Variants in PTPRD observed in about 807,000 individuals in gnomAD.
PTPRD encodes receptor-type tyrosine-protein phosphatase delta.
A neutral mutation model predicts 214.5 loss-of-function variants in PTPRD; 34 were observed. The observed-to-expected ratio is 0.16, with a 90% CI of 0.12 to 0.21. The LOEUF is 0.21. Ranked by LOEUF, PTPRD falls within the 10% of genes least tolerant of loss-of-function variation. The pLI is 1.00. For synonymous variants in PTPRD, 1,128 were observed against 845.7 expected (o/e 1.33, Z -5.79); for missense variants, 2,545 against 2,398.7 (o/e 1.06, Z -1.27).
chr9:10,127,246 C>T (rs950326778), intron 3 of PTPRD, among the ~76,000 whole-genome samples: 3 of 152,110 alleles, frequency 2.0e-5, no homozygotes, highest in African/African-American at 7.2e-5. Context: ...TACTGGCACA[C>T]AAGACCAATG....
chr9:10,532,103 A>G (rs907473155), intron 2 of PTPRD: 1 of 152,140 alleles, frequency 6.6e-6, no homozygotes, highest in African/African-American at 2.4e-5. Flanking sequence ...TTTTAAGCTG[A>G]TATTTGTTGC....
intron 9 of PTPRD, among the ~76,000 whole-genome samples, chr9:9,204,524 A>G (rs941417153): frequency 6.6e-6 from 1 of 152,158 alleles, no homozygotes; most frequent in Non-Finnish European, 1.5e-5. Flanking sequence ...TTTTAAAGGA[A>G]CACTCACGAG....
At chr9:10,426,273 C>G (rs2154518931) in intron 2 of PTPRD, among the ~76,000 whole-genome samples, 1 of 152,094 alleles carries the variant, frequency 6.6e-6, no homozygotes, top group East Asian at 2.0e-4. Flanking sequence ...TTAAGTTAAT[C>G]AATTCTCATT....
chr9:8,653,267 G>C lies in PTPRD; in HGVS notation c.65-16423C>G, dbSNP rs550430727. 1.9e-3 allele frequency among the ~76,000 whole-genome samples: 291 copies of C among 152,190 alleles called. 3 individuals are homozygous for C. Among genetic ancestry groups the C allele is most frequent in the African/African-American group, 6.6e-3 (276 of 41,508 alleles). On this transcript the variant is annotated intron_variant, in intron 12 of 45. Transcript: ENST00000381196. Reference sequence around the variant, plus strand: ...CAATTCGCTACATAAATGGCCTCTGGGGGCTGCCAGAGCATCTTTCCAAGT... The same window carrying C: ...CAATTCGCTACATAAATGGCCTCTGCGGGCTGCCAGAGCATCTTTCCAAGT...
rs1342157475 is a variant in PTPRD, at chr9:10,344,692, CCT to C, written c.-599-3677_-599-3676del. On this transcript the variant is annotated intron_variant, in intron 2 of 45. Transcript: ENST00000381196. ...GGAATGTTCTTCCATTTGTTTGTGC[CCT>C]CTTTTATTTCATTGAGCAGTGGTTT... Among the ~76,000 whole-genome samples, 6 of 152,052 alleles carry C rather than the reference CCT, an allele frequency of 3.9e-5. No homozygotes were observed. The East Asian group carries it at 1.2e-3, about 30-fold the overall frequency.
rs2074241175 is a variant in PTPRD at position 8,526,653 on chromosome 9, A to G, written c.551-9T>C. On this transcript the variant is annotated splice_polypyrimidine_tract_variant and intron_variant, in intron 16 of 45. Transcript: ENST00000381196. ...TCTTATTGGTGTACCACCTGGGTGGATAATATGAATGCAAATAAGATTAGA... is the reference window on the plus strand; with the variant it reads ...TCTTATTGGTGTACCACCTGGGTGGGTAATATGAATGCAAATAAGATTAGA... 2 of 1,572,414 alleles carry G rather than the reference A, an allele frequency of 1.3e-6. No homozygotes were observed. Among genetic ancestry groups the G allele is most frequent in the Admixed American group, 3.6e-5 (2 of 56,086 alleles).
chr9:9,918,737 A>G lies in PTPRD; in HGVS notation c.-368+19770T>C, dbSNP rs555588830. On this transcript the variant is annotated intron_variant, in intron 5 of 45. Coordinates refer to ENST00000381196, the MANE Select transcript of PTPRD (RefSeq NM_002839.4). Reference sequence around the variant, plus strand: ...CCAATAGAACCAATAGAGAATGCAGAAATTAATCCACGTATCTATAGCCAT... The same window carrying G: ...CCAATAGAACCAATAGAGAATGCAGGAATTAATCCACGTATCTATAGCCAT... Among the ~76,000 whole-genome samples, 4 of 152,240 alleles carry G rather than the reference A, an allele frequency of 2.6e-5. No homozygotes were observed. In the East Asian group the frequency reaches 7.7e-4, roughly 29 times the overall value.
intron 2 of PTPRD, among the ~76,000 whole-genome samples, chr9:10,509,410 G>T (rs1201177607): frequency 1.3e-5 from 2 of 150,784 alleles, no homozygotes; most frequent in South Asian, 2.1e-4. Context: ...TCCTCTTGTT[G>T]TTTCAGCTTC....
chr9:9,987,086 T>C (rs905143694), intron 4 of PTPRD, among the ~76,000 whole-genome samples: 10 of 151,900 alleles, frequency 6.6e-5, no homozygotes, highest in African/African-American at 2.2e-4. Context: ...GGGGAGGAAG[T>C]TATATAGCAA....
chr9:9,601,144 TGTGTG>T lies in PTPRD; in HGVS notation c.-286-26368_-286-26364del, dbSNP rs1563976727. On this transcript the variant is annotated intron_variant, in intron 7 of 45. Coordinates refer to ENST00000381196, the MANE Select transcript of PTPRD (RefSeq NM_002839.4). Reference sequence around the variant, plus strand: ...GTGTGTGTGTGTGTGTGTGTGTGTGTGTGTGTATGGGGGGGGGAGAGTGGGGAGAG... The same window carrying T: ...GTGTGTGTGTGTGTGTGTGTGTGTGTTATGGGGGGGGGAGAGTGGGGAGAG... Among the ~76,000 whole-genome samples the T allele has an allele frequency of 2.8e-4, 33 of 116,620 alleles. 1 individual carries two copies. Among genetic ancestry groups the T allele is most frequent in the African/African-American group, 8.7e-4 (27 of 31,020 alleles). 76.5% of individuals were successfully genotyped at this position (116,620 alleles called of 152,430 possible).
At chr9:9,919,828 C>A (rs1457069171) in intron 5 of PTPRD, among the ~76,000 whole-genome samples, 1 of 152,074 alleles carries the variant, frequency 6.6e-6, no homozygotes, top group Admixed American at 6.6e-5. Flanking sequence ...GATATCAATG[C>A]CTGTTTGAAT....
intron 9 of PTPRD, among the ~76,000 whole-genome samples, chr9:9,251,304 T>A (rs770175605): frequency 3.3e-5 from 5 of 152,082 alleles, no homozygotes; most frequent in African/African-American, 1.2e-4. Flanking sequence ...TTCTCCATTA[T>A]GAACAGGATA....
At chr9:9,484,426 C>G (rs1024938719) in intron 8 of PTPRD, among the ~76,000 whole-genome samples, 3 of 152,094 alleles carry the variant, frequency 2.0e-5, no homozygotes, top group Admixed American at 1.3e-4. Context: ...GACAACATAA[C>G]TTCCTGGGCA....
chr9:8,689,974 G>T (rs1036746790), intron 12 of PTPRD, among the ~76,000 whole-genome samples: 1 of 152,086 alleles, frequency 6.6e-6, no homozygotes, highest in African/African-American at 2.4e-5. Flanking sequence ...TGGGCACAGT[G>T]GCATGTGCCT....
intron 8 of PTPRD, among the ~76,000 whole-genome samples, chr9:9,488,178 T>A (rs779858523): frequency 1.3e-5 from 2 of 152,168 alleles, no homozygotes; most frequent in Non-Finnish European, 2.9e-5. Flanking sequence ...AAGATGAATA[T>A]GTATTTCCTT....
intron 3 of PTPRD, among the ~76,000 whole-genome samples, chr9:10,196,348 T>G (rs550709930): frequency 7.2e-5 from 11 of 152,232 alleles, no homozygotes; most frequent in Non-Finnish European, 1.2e-4. Context: ...AATAATAAAT[T>G]TGTCAATATA....
At chr9:9,461,756 C>A (rs894076814) in intron 8 of PTPRD, among the ~76,000 whole-genome samples, 1 of 152,070 alleles carries the variant, frequency 6.6e-6, no homozygotes, top group Admixed American at 6.6e-5. Flanking sequence ...CAGCAATAAT[C>A]CAGACCTAGA....
At chr9:9,538,983 A>G (rs965297685) in intron 8 of PTPRD, among the ~76,000 whole-genome samples, 7 of 151,864 alleles carry the variant, frequency 4.6e-5, no homozygotes, top group African/African-American at 1.7e-4. Context: ...ATGATAGAGC[A>G]GTAAGTAAGA....
intron 4 of PTPRD, among the ~76,000 whole-genome samples, chr9:9,958,129 G>T (rs1396512017): frequency 2.6e-5 from 4 of 152,130 alleles, no homozygotes; most frequent in Non-Finnish European, 4.4e-5. Flanking sequence ...AATTCTAGAA[G>T]ATACACAGGA....
Sources: gnomAD v4.1 joint callset for allele counts (sites outside exome capture counted in the v4.1 genomes callset) on GRCh38, gnomAD v4.1.1 for gene constraint, MANE v1.5 for transcripts, NCBI Gene and HGNC (gene_info 2026-07-23, HGNC 2026-07-21) for gene names.